Variants in OR3A2 observed in about 807,000 individuals in gnomAD.
The protein encoded by OR3A2 is olfactory receptor family 3 subfamily A member 2, also known as olfactory receptor 3A2.
For synonymous variants in OR3A2, 126 were observed against 159.3 expected (o/e 0.79, Z 1.57); for missense variants, 318 against 392.8 (o/e 0.81, Z 1.61).
chr17:3,347,580 T>C (rs376240200), intron 2 of OR3A2, among the ~76,000 whole-genome samples: 8 of 152,362 alleles, frequency 5.3e-5, no homozygotes, highest in East Asian at 3.9e-4. Flanking sequence ...GAACTCATCA[T>C]TTTTTAAGGC....
rs746068550 is a variant in OR3A2 at position 3,292,465 on chromosome 17, C to A, written c.-84-13312G>T. On this transcript the variant is annotated intron_variant, in intron 3 of 4. Transcript: ENST00000573491. The stretch of plus-strand genomic sequence containing the variant: ...ATGCTGAGGTTGCCCCTGACCGTGA[C>A]CAGGTAGGCAAAGAGGAAGAGCACA... The A allele has an allele frequency of 3.7e-6, 6 of 1,613,566 alleles. No individual in the cohort carries two copies. The highest frequency in any genetic ancestry group is 5.1e-6 in the Non-Finnish European group (6 of 1,179,908).
intron 2 of OR3A2, among the ~76,000 whole-genome samples, chr17:3,361,355 T>G (rs1239334930): frequency 6.6e-6 from 1 of 151,684 alleles, no homozygotes; most frequent in Non-Finnish European, 1.5e-5. Flanking sequence ...TCATGTCATC[T>G]GCAAACAGGG....
chr17:3,288,246 CAA>C, upstream of OR3A2, among the ~76,000 whole-genome samples: 2,038 of 73,458 alleles, frequency 0.028, 56 homozygotes, highest in African/African-American at 0.085. Context: ...ACCAAAAGGG[CAA>C]AAAAAAAAAA....
chr17:3,279,787 CAAACAAAACA>C (rs376334892), intron 1 of OR3A2, among the ~76,000 whole-genome samples: 6 of 152,080 alleles, frequency 3.9e-5, no homozygotes, highest in East Asian at 1.9e-4. Flanking sequence ...GGCTCCATCT[CAAACAAAACA>C]AAACAAAACA....
chr17:3,385,009 T>G (rs952219697), intron 1 of OR3A2, among the ~76,000 whole-genome samples: 4 of 151,732 alleles, frequency 2.6e-5, no homozygotes, highest in Admixed American at 6.6e-5. Context: ...CTGACCAACA[T>G]GGAGAAACCC....
chr17:3,309,882 G>A (rs1597331657), intron 3 of OR3A2: 2 of 156,556 alleles, frequency 1.3e-5, no homozygotes, highest in Admixed American at 6.9e-5. Context: ...AGGTTGTGGG[G>A]AGCATGCTTT....
chr17:3,277,768 C>T (rs2048748328), exon 2 of OR3A2: 1 of 577,328 alleles, frequency 1.7e-6, no homozygotes, highest in East Asian at 2.9e-5. Context: ...GGAAGACTGT[C>T]CAGATCATAG....
intron 3 of OR3A2, among the ~76,000 whole-genome samples, chr17:3,332,868 G>A (rs928310979): frequency 1.3e-5 from 2 of 152,176 alleles, no homozygotes; most frequent in South Asian, 2.1e-4. Context: ...AGCAGAGAAT[G>A]TACGTCACCT....
At position 3,360,014 on chromosome 17, in the gene OR3A2, T is replaced by G. The variant is rs1567567445; in HGVS notation, c.-179+23790A>C. Among the ~76,000 whole-genome samples the G allele has an allele frequency of 2.0e-5, 3 of 151,852 alleles. 1 individual carries two copies. The highest frequency in any genetic ancestry group is 7.3e-5 in the African/African-American group (3 of 41,118). On this transcript the variant is annotated intron_variant, in intron 2 of 4. Transcript: ENST00000573491. ...TTGCCACACTGTCTTCCACAATGGT[T>G]GAACTAGTTTACAGTCCCACCAACA...
intron 2 of OR3A2, among the ~76,000 whole-genome samples, chr17:3,357,489 T>C (rs1281547828): frequency 6.6e-6 from 1 of 151,592 alleles, no homozygotes; most frequent in Non-Finnish European, 1.5e-5. Flanking sequence ...AATTCCATTT[T>C]TGTGAGGTGT....
At chr17:3,325,203 A>ATT (rs61124691) in intron 3 of OR3A2, among the ~76,000 whole-genome samples, 9,631 of 108,272 alleles carry the variant, frequency 0.089, 851 homozygotes, top group East Asian at 0.42. Context: ...GATCCTTCCA[A>ATT]TTTTTTTTTT....
intron 3 of OR3A2, chr17:3,292,017 T>G: frequency 1.2e-6 from 2 of 1,614,062 alleles, no homozygotes; most frequent in Non-Finnish European, 1.7e-6. Context: ...GCAGGAGAGC[T>G]GGAAGAGCTG....
At chr17:3,319,472 C>T (rs1423585522) in intron 3 of OR3A2, among the ~76,000 whole-genome samples, 1 of 152,048 alleles carries the variant, frequency 6.6e-6, no homozygotes, top group East Asian at 1.9e-4. Context: ...GTGTGCTGCA[C>T]CCATTAACTC....
chr17:3,371,325 C>A (rs2049616109), intron 2 of OR3A2, among the ~76,000 whole-genome samples: 2 of 150,572 alleles, frequency 1.3e-5, no homozygotes, highest in African/African-American at 4.9e-5. Context: ...GGCGGCCGGG[C>A]AGAAGTGCCC....
chr17:3,375,135 CTTCCTTTTTTTT>C, intron 2 of OR3A2, among the ~76,000 whole-genome samples: 1 of 34,650 alleles, frequency 2.9e-5, no homozygotes, highest in African/African-American at 7.2e-5. Flanking sequence ...TCAGAGCCTT[CTTCCTTTTTTTT>C]TTTTTTTTTT....
rs540890913 is a variant in OR3A2, at chr17:3,353,328, C to T, written c.-178-17202G>A. Among the ~76,000 whole-genome samples, 263 of 151,864 alleles carry T rather than the reference C, an allele frequency of 1.7e-3. 1 individual carries two copies. Among genetic ancestry groups the T allele is most frequent in the African/African-American group, 5.7e-3 (238 of 41,502 alleles). On this transcript the variant is annotated intron_variant, in intron 2 of 4. Transcript: ENST00000573491. Reference sequence around the variant, plus strand: ...CAGGGGTAATCTGACTTCTTCTTTTCCAATTTGGATGTCCTTTTATATGTT... The same window carrying T: ...CAGGGGTAATCTGACTTCTTCTTTTTCAATTTGGATGTCCTTTTATATGTT...
chr17:3,287,355 T>C (rs2048822883), upstream of OR3A2, among the ~76,000 whole-genome samples: 1 of 152,062 alleles, frequency 6.6e-6, no homozygotes, highest in South Asian at 2.1e-4. Flanking sequence ...ATTCTCATCA[T>C]CCACCCCCCT....
intron 3 of OR3A2, among the ~76,000 whole-genome samples, chr17:3,326,166 A>C (rs1246595552): frequency 6.6e-6 from 1 of 152,110 alleles, no homozygotes; most frequent in Non-Finnish European, 1.5e-5. Flanking sequence ...TATATGTACC[A>C]CATTTTCTTT....
At chr17:3,301,878 C>A (rs200389432) in intron 3 of OR3A2, among the ~76,000 whole-genome samples, 3 of 151,920 alleles carry the variant, frequency 2.0e-5, no homozygotes, top group Non-Finnish European at 2.9e-5. Flanking sequence ...TAAGGTGTAA[C>A]GAAGGGATCA....
Sources: allele counts gnomAD v4.1 joint callset (sites outside exome capture counted in the v4.1 genomes callset), GRCh38; gene constraint gnomAD v4.1.1; transcripts MANE v1.5; gene names NCBI Gene and HGNC (gene_info 2026-07-23, HGNC 2026-07-21).